Variants in ERBB4 observed in about 807,000 individuals in gnomAD.
The protein encoded by ERBB4 is erb-b2 receptor tyrosine kinase 4.
Under a neutral mutation model 158.0 loss-of-function variants are expected in ERBB4, and 42 were observed. The observed-to-expected ratio is 0.27, with a 90% CI of 0.21 to 0.34. The LOEUF (loss-of-function observed/expected upper bound fraction) is 0.34. Ranked by LOEUF, ERBB4 falls within the 10% of genes least tolerant of loss-of-function variation. The probability of loss-of-function intolerance (pLI) is 1.00; values close to 1 mark genes in which losing one functional copy is unlikely to be tolerated. For missense variants in ERBB4, 1,333 were observed against 1,624.1 expected, an observed-to-expected ratio of 0.82 and a Z score of 3.08; for synonymous variants, 583 against 558.7, an observed-to-expected ratio of 1.04 and a Z score of -0.61.
chr2:211,435,411 G>A (rs905331109), intron 20 of ERBB4, among the ~76,000 whole-genome samples: 2 of 152,140 alleles, frequency 1.3e-5, no homozygotes, highest in Admixed American at 6.5e-5. Context: ...CACTGTTGAC[G>A]TATTTTAAAT....
chr2:212,531,191 T>G (rs1004329725), intron 1 of ERBB4, among the ~76,000 whole-genome samples: 2 of 152,170 alleles, frequency 1.3e-5, no homozygotes, highest in Non-Finnish European at 1.5e-5. Flanking sequence ...AAATGACTCT[T>G]CTTGCCAAAA....
At chr2:212,233,983 T>G (rs2083758984) in intron 1 of ERBB4, among the ~76,000 whole-genome samples, 1 of 148,912 alleles carries the variant, frequency 6.7e-6, no homozygotes, top group Admixed American at 6.7e-5. Flanking sequence ...TTATTATTAT[T>G]ATTATTATTA....
intron 2 of ERBB4, among the ~76,000 whole-genome samples, chr2:211,962,237 T>C (rs1347009095): frequency 6.6e-6 from 1 of 152,152 alleles, no homozygotes; most frequent in Admixed American, 6.6e-5. Context: ...CATAAAAATG[T>C]CCCTTGCCTT....
chr2:212,391,408 T>C lies in ERBB4; in HGVS notation c.82+147041A>G, dbSNP rs905436693. ...CTTCATTCACAGCTGATGTTTAATATATTTGCTTAATGAGCAGACTTTAAT... is the reference window on the plus strand; with the variant it reads ...CTTCATTCACAGCTGATGTTTAATACATTTGCTTAATGAGCAGACTTTAAT... On this transcript the variant is annotated intron_variant, in intron 1 of 27. Coordinates refer to ENST00000342788, the MANE Select transcript of ERBB4 (RefSeq NM_005235.3). Among the ~76,000 whole-genome samples, 5 of 151,370 alleles carry C rather than the reference T, an allele frequency of 3.3e-5. No homozygotes were observed. In the East Asian group the frequency reaches 5.8e-4, roughly 18 times the overall value.
intron 1 of ERBB4, among the ~76,000 whole-genome samples, chr2:212,433,110 T>C (rs2092065656): frequency 6.6e-6 from 1 of 152,112 alleles, no homozygotes; most frequent in African/African-American, 2.4e-5. Context: ...GAGAGTTACA[T>C]ATTATGCATT....
chr2:211,781,651 C>T lies in ERBB4; in HGVS notation c.556+6374G>A, dbSNP rs571310270. 2.4e-4 allele frequency among the ~76,000 whole-genome samples: 36 copies of T among 152,250 alleles called. No homozygotes were observed. The South Asian group carries it at 7.0e-3, about 30-fold the overall frequency. ...TCACATATTTTAAAAATACTTCTGTCCTCATATGGTCAATTCATATAAAAA... is the reference window on the plus strand; with the variant it reads ...TCACATATTTTAAAAATACTTCTGTTCTCATATGGTCAATTCATATAAAAA... On this transcript the variant is annotated intron_variant, in intron 4 of 27. Transcript: ENST00000342788.
intron 20 of ERBB4, among the ~76,000 whole-genome samples, chr2:211,522,910 C>T (rs991813510): frequency 2.0e-5 from 3 of 151,814 alleles, no homozygotes; most frequent in Admixed American, 6.6e-5. Context: ...TTACAGCATT[C>T]ACTTTATTGA....
chr2:212,340,552 C>T (rs544604544), intron 1 of ERBB4, among the ~76,000 whole-genome samples: 1 of 152,168 alleles, frequency 6.6e-6, no homozygotes, highest in African/African-American at 2.4e-5. Flanking sequence ...TCGTAAGGAG[C>T]ATGCCACCCA....
At chr2:212,047,555 T>C (rs892461084) in intron 2 of ERBB4, among the ~76,000 whole-genome samples, 3 of 151,898 alleles carry the variant, frequency 2.0e-5, no homozygotes, top group African/African-American at 7.2e-5. Context: ...TCACTGCAAC[T>C]TCTGCCTCTT....
intron 1 of ERBB4, among the ~76,000 whole-genome samples, chr2:212,476,284 T>A (rs969210852): frequency 1.5e-4 from 23 of 152,140 alleles, no homozygotes; most frequent in African/African-American, 4.8e-4. Flanking sequence ...GAGCAAAAAC[T>A]TTAAGTTAGG....
chr2:212,141,141 A>C (rs2080461849), intron 1 of ERBB4, among the ~76,000 whole-genome samples: 1 of 151,944 alleles, frequency 6.6e-6, no homozygotes. Context: ...AAATGCCATA[A>C]ACAAGATGAA....
intron 2 of ERBB4, among the ~76,000 whole-genome samples, chr2:212,005,512 C>G (rs2076239241): frequency 1.3e-5 from 2 of 152,078 alleles, no homozygotes; most frequent in African/African-American, 4.8e-5. Context: ...CTTGAAGGAA[C>G]AAGGAAGGCT....
chr2:211,591,971 G>T lies in ERBB4; in HGVS notation c.2301+27206C>A, dbSNP rs374886855. Among the ~76,000 whole-genome samples the T allele has an allele frequency of 2.1e-4, 32 of 152,322 alleles. No homozygotes were observed. In the East Asian group the frequency reaches 5.4e-3, roughly 26 times the overall value. ...CGCCACTCTTTGAGACGAATTAAGAGTCCAAGAGACAGCTAACGCTCAAAA... is the reference window on the plus strand; with the variant it reads ...CGCCACTCTTTGAGACGAATTAAGATTCCAAGAGACAGCTAACGCTCAAAA... On this transcript the variant is annotated intron_variant, in intron 19 of 27. Coordinates refer to ENST00000342788, the MANE Select transcript of ERBB4 (RefSeq NM_005235.3).
chr2:211,728,760 A>G (rs2074348499), intron 5 of ERBB4, among the ~76,000 whole-genome samples: 1 of 151,892 alleles, frequency 6.6e-6, no homozygotes, highest in Non-Finnish European at 1.5e-5. Flanking sequence ...TATTTTAATC[A>G]TAGACAGATA....
chr2:212,524,401 CTAA>C (rs1692336335), intron 1 of ERBB4, among the ~76,000 whole-genome samples: 1 of 151,968 alleles, frequency 6.6e-6, no homozygotes, highest in South Asian at 2.1e-4. Context: ...TTCATTCTGA[CTAA>C]TAATATGAGC....
chr2:211,912,998 C>T (rs949183883), intron 3 of ERBB4, among the ~76,000 whole-genome samples: 4 of 152,214 alleles, frequency 2.6e-5, no homozygotes, highest in South Asian at 2.1e-4. Context: ...ATCATTTGGC[C>T]GTGCTCTGAG....
At chr2:212,481,975 G>A (rs1426455461) in intron 1 of ERBB4, among the ~76,000 whole-genome samples, 2 of 152,172 alleles carry the variant, frequency 1.3e-5, no homozygotes, top group African/African-American at 4.8e-5. Flanking sequence ...AGCAGCAATT[G>A]AGTCTTGTGC....
chr2:211,563,951 T>C (rs1221677472), intron 19 of ERBB4, among the ~76,000 whole-genome samples: 1 of 152,196 alleles, frequency 6.6e-6, no homozygotes, highest in Non-Finnish European at 1.5e-5. Context: ...TTCTATAACT[T>C]TGAAACATTT....
chr2:211,699,754 A>G (rs2073162886), intron 12 of ERBB4, among the ~76,000 whole-genome samples: 1 of 152,200 alleles, frequency 6.6e-6, no homozygotes, highest in South Asian at 2.1e-4. Context: ...CAAGAAGCAT[A>G]ACACTGAAAG....
Sources: gnomAD v4.1 joint callset for allele counts (sites outside exome capture counted in the v4.1 genomes callset) on GRCh38, gnomAD v4.1.1 for gene constraint, MANE v1.5 for transcripts, NCBI Gene and HGNC (gene_info 2026-07-23, HGNC 2026-07-21) for gene names.